DYNC2H1: variants seen among roughly 807,000 people sequenced by gnomAD.
DYNC2H1 encodes the protein dynein cytoplasmic 2 heavy chain 1.
Under a neutral mutation model 570.0 loss-of-function variants are expected in DYNC2H1, and 410 were observed. The ratio of observed to expected loss-of-function variants is 0.72; its 90% CI spans 0.66 to 0.78. DYNC2H1 has a LOEUF of 0.78. Ranked by LOEUF, DYNC2H1 falls within the 30% of genes least tolerant of loss-of-function variation. The probability of loss-of-function intolerance (pLI) is 0.00; values close to 1 mark genes in which losing one functional copy is unlikely to be tolerated. For synonymous variants in DYNC2H1, 1,688 were observed against 1,677.6 expected (o/e 1.01, Z -0.15); for missense variants, 4,865 against 5,046.4 (o/e 0.96, Z 1.09).
chr11:103,406,968 A>T (rs1942887684), intron 84 of DYNC2H1: 1 of 151,968 alleles, frequency 6.6e-6, no homozygotes, highest in African/African-American at 2.4e-5. Context: ...ATGAAAATCG[A>T]TTAATAGTAT....
chr11:103,237,478 A>G (rs11225614), intron 63 of DYNC2H1, among the ~76,000 whole-genome samples: 24,405 of 151,964 alleles, frequency 0.16, 2,334 homozygotes, highest in African/African-American at 0.27. Flanking sequence ...ACTTACCGGT[A>G]GAGAAGTTGC....
intron 81 of DYNC2H1, among the ~76,000 whole-genome samples, chr11:103,322,072 T>G (rs1938235183): frequency 6.6e-6 from 1 of 152,160 alleles, no homozygotes; most frequent in Non-Finnish European, 1.5e-5. Flanking sequence ...ACTATCTTAC[T>G]TATTACCTTA....
chr11:103,319,993 A>G lies in DYNC2H1; in HGVS notation c.11726-1036A>G, dbSNP rs887169616. ...ATCCCTTATGTTCCAAGGCATGTAG[A>G]TAATCAATTTTTGTCATATCTCTAA... On this transcript the variant is annotated intron_variant, in intron 80 of 88. Coordinates refer to ENST00000375735, the MANE Select transcript of DYNC2H1 (RefSeq NM_001377.3). This position sits in a 1 kb window ranked among gnomAD's most constrained non-coding sequence, Gnocchi z 4.3. Among the ~76,000 whole-genome samples the G allele has an allele frequency of 6.6e-6, 1 of 152,204 alleles. No homozygotes were observed. The highest frequency in any genetic ancestry group is 1.5e-5 in the Non-Finnish European group (1 of 68,036).
At chr11:103,197,894 G>T in intron 47 of DYNC2H1, 39 bp from the exon 48 acceptor site, 1 of 1,548,846 alleles carries the variant, frequency 6.5e-7, no homozygotes, top group Non-Finnish European at 8.7e-7. Context: ...CTCATTACGA[G>T]TAATGCATAT....
At chr11:103,412,361 A>C (rs1246586052) in intron 84 of DYNC2H1, among the ~76,000 whole-genome samples, 1 of 152,068 alleles carries the variant, frequency 6.6e-6, no homozygotes, top group African/African-American at 2.4e-5. Context: ...CAATATTTAT[A>C]ATTTGCTTTT....
Position 103,289,211 on chromosome 11 carries a change from C to T in DYNC2H1, c.11095+1606C>T, listed in dbSNP as rs886469390. Among the ~76,000 whole-genome samples, 1 of 152,170 alleles carries T rather than the reference C, an allele frequency of 6.6e-6. No homozygotes were observed. Among genetic ancestry groups the T allele is most frequent in the Admixed American group, 6.5e-5 (1 of 15,274 alleles). ...CTACTCACCAAATCGTCTTTAAAAA[C>T]TCTGATCCTGAATGCTCAGGGAGGC... On this transcript the variant is annotated intron_variant, in intron 75 of 88. Transcript: ENST00000375735. This position sits in a 1 kb window ranked among gnomAD's most constrained non-coding sequence, Gnocchi z 4.2.
intron 84 of DYNC2H1, among the ~76,000 whole-genome samples, chr11:103,413,402 A>G (rs1943163832): frequency 7.9e-6 from 1 of 126,384 alleles, no homozygotes; most frequent in Non-Finnish European, 1.5e-5. Flanking sequence ...GTTAAATAAC[A>G]GTTTACTATT....
intron 84 of DYNC2H1, among the ~76,000 whole-genome samples, chr11:103,400,218 G>C (rs991235451): frequency 2.6e-5 from 4 of 152,180 alleles, no homozygotes; most frequent in African/African-American, 9.7e-5. Flanking sequence ...AAGAACACGT[G>C]TTTTCTAGTA....
chr11:103,448,447 A>G (rs1477934512), intron 85 of DYNC2H1, among the ~76,000 whole-genome samples: 1 of 152,184 alleles, frequency 6.6e-6, no homozygotes, highest in Non-Finnish European at 1.5e-5. Flanking sequence ...ATTCTACAAA[A>G]TGGTTAGAAT....
chr11:103,140,341 G>T (rs915840388), intron 17 of DYNC2H1, among the ~76,000 whole-genome samples: 1 of 151,994 alleles, frequency 6.6e-6, no homozygotes, highest in African/African-American at 2.4e-5. Context: ...ATTTTGCAGC[G>T]GCTGGTACCA....
At position 103,479,091 on chromosome 11, in the gene DYNC2H1, A is replaced by G. The variant is rs764918619; in HGVS notation, c.12766-4A>G. 1.9e-6 allele frequency: 3 copies of G among 1,613,082 alleles called. No homozygotes were observed. Among genetic ancestry groups the G allele is most frequent in the Non-Finnish European group, 2.5e-6 (3 of 1,179,468 alleles). ...TATTTTAAAACAAGTTATTTTTTAA[A>G]CAGGATGCATGTGGTCCATATTCTC... is the stretch of plus-strand genomic sequence containing the variant. On this transcript the variant is annotated splice_region_variant and splice_polypyrimidine_tract_variant and intron_variant, in intron 88 of 88. Coordinates refer to ENST00000375735, the MANE Select transcript of DYNC2H1 (RefSeq NM_001377.3).
chr11:103,203,551 AG>A lies in DYNC2H1; in HGVS notation c.8198-111del, dbSNP rs1316069003. ...TTTGTGAGTCAAGTAGAGGTAATAA[AG>A]TTTGTATATTTTTGGAAATAAAGAT... On this transcript the variant is annotated intron_variant, in intron 50 of 88. Transcript: ENST00000375735. This position sits in a 1 kb window ranked among gnomAD's most constrained non-coding sequence, Gnocchi z 4.7. 1.5e-5 allele frequency: 10 copies of A among 659,304 alleles called. No homozygotes were observed. The highest frequency in any genetic ancestry group is 2.5e-5 in the Non-Finnish European group (10 of 404,522). The allele number at this position is 659,304 out of a possible 1,614,324, so 40.8% of individuals were successfully genotyped here.
At chr11:103,229,902 A>G (rs1043174230) in intron 59 of DYNC2H1, among the ~76,000 whole-genome samples, 2 of 152,202 alleles carry the variant, frequency 1.3e-5, no homozygotes, top group Admixed American at 1.3e-4. Context: ...TTAGCTCACA[A>G]TTTTGAAGGC....
rs1349369796 is a variant in DYNC2H1 at position 103,244,373 on chromosome 11, T to A, written c.9918+582T>A. Among the ~76,000 whole-genome samples, 2 of 151,898 alleles carry A rather than the reference T, an allele frequency of 1.3e-5. No homozygotes were observed. The highest frequency in any genetic ancestry group is 4.8e-5 in the African/African-American group (2 of 41,422). On this transcript the variant is annotated intron_variant, in intron 64 of 88. Transcript: ENST00000375735. This position sits in a 1 kb window ranked among gnomAD's most constrained non-coding sequence, Gnocchi z 4.3. Reference sequence around the variant, plus strand: ...GTTATTATTTTGTTAAAGGAAGACCTAATATATGATTAATTTTCATAGATA... The same window carrying A: ...GTTATTATTTTGTTAAAGGAAGACCAAATATATGATTAATTTTCATAGATA...
At chr11:103,457,655 C>CA (rs1395888400) in intron 87 of DYNC2H1, among the ~76,000 whole-genome samples, 1 of 151,662 alleles carries the variant, frequency 6.6e-6, no homozygotes. Context: ...TACAGATACG[C>CA]AAAAAATCAA....
rs1862640407 is a variant in DYNC2H1, at chr11:103,199,669, CATT to C, written c.8088+194_8088+196del. Among the ~76,000 whole-genome samples, 3 of 151,988 alleles carry C rather than the reference CATT, an allele frequency of 2.0e-5. No homozygotes were observed. The South Asian group carries it at 6.2e-4, about 32-fold the overall frequency. On this transcript the variant is annotated intron_variant, in intron 49 of 88. Transcript: ENST00000375735. This position sits in a 1 kb window ranked among gnomAD's most constrained non-coding sequence, Gnocchi z 4.6. ...TTTTTCCATGATTATTAGAAAATTACATTTTTATCTATAGACAGGAAAGAGAAT... is the reference window on the plus strand; with the variant it reads ...TTTTTCCATGATTATTAGAAAATTACTTTATCTATAGACAGGAAAGAGAAT...
In DYNC2H1 at chr11:103,153,292, T is replaced by G; in HGVS notation, c.3097-11T>G. Reference sequence around the variant, plus strand: ...TCTGCATTAAATTATTTAAATTTTATTGGCTTATAGATTGAAGTGATGAAA... The same window carrying G: ...TCTGCATTAAATTATTTAAATTTTAGTGGCTTATAGATTGAAGTGATGAAA... On this transcript the variant is annotated splice_polypyrimidine_tract_variant and intron_variant, in intron 21 of 88. Transcript: ENST00000375735. 1 of 1,516,050 alleles carries G rather than the reference T, an allele frequency of 6.6e-7. No individual in the cohort carries two copies. Among genetic ancestry groups the G allele is most frequent in the Non-Finnish European group, 8.8e-7 (1 of 1,136,830 alleles). The allele number at this position is 1,516,050 out of a possible 1,614,324, so 93.9% of individuals were successfully genotyped here.
At position 103,243,727 on chromosome 11, in the gene DYNC2H1, C is replaced by G; in HGVS notation, c.9854C>G (p.Ser3285Cys). Residue 3285 changes from serine to cysteine, a missense_variant, in exon 64 of 89, where the codon TCC (serine) becomes TGC (cysteine). This residue lies in a region of DYNC2H1 where 2,401 missense variants were observed against 2,454.6 expected (regional missense o/e 0.98). Transcript: ENST00000375735. This position sits in a 1 kb window ranked among gnomAD's most constrained non-coding sequence, Gnocchi z 4.8. ...TGCCCATTTCTTATAGATCCTTCTT[C>G]CCAAGCTACAGAGTGGTTAAAAACA... is the stretch of plus-strand genomic sequence containing the variant. ...RVCPFLIDPS[S>C]QATEWLKTHL... 2 of 1,606,308 alleles carry G rather than the reference C, an allele frequency of 1.2e-6. No individual in the cohort carries two copies. Among genetic ancestry groups the G allele is most frequent in the Non-Finnish European group, 8.5e-7 (1 of 1,176,000 alleles).
intron 70 of DYNC2H1, among the ~76,000 whole-genome samples, chr11:103,266,683 G>T (rs181973792): frequency 6.6e-6 from 1 of 152,194 alleles, no homozygotes; most frequent in East Asian, 1.9e-4. Flanking sequence ...GGAAGCTGGA[G>T]TGTGGGGAGG....
Sources: gnomAD v4.1 joint callset for allele counts (sites outside exome capture counted in the v4.1 genomes callset) on GRCh38, gnomAD v4.1.1 for gene constraint, gnomAD v4.1.1 regional missense constraint, Gnocchi (gnomAD v3.1) non-coding constraint, MANE v1.5 for transcripts, NCBI Gene and HGNC (gene_info 2026-07-23, HGNC 2026-07-21) for gene names.